Variants in TENT4A observed in about 807,000 individuals in gnomAD.
TENT4A encodes the protein terminal nucleotidyltransferase 4A, also known as DNA polymerase kappa.
Under a neutral mutation model 72.8 loss-of-function variants are expected in TENT4A, and 7 were observed. The observed-to-expected ratio is 0.10, with a 90% confidence interval of 0.05 to 0.18. The LOEUF (loss-of-function observed/expected upper bound fraction) is 0.18, where lower values mean the gene tolerates loss of function less well. Ranked by LOEUF, TENT4A falls within the 10% of genes least tolerant of loss-of-function variation. The probability of loss-of-function intolerance (pLI) is 1.00; values close to 1 mark genes in which losing one functional copy is unlikely to be tolerated. For missense variants in TENT4A, 831 were observed against 1,017.7 expected (o/e 0.82, Z 2.50); for synonymous variants, 456 against 434.3 (o/e 1.05, Z -0.62).
At chr5:6,716,055 A>G (rs1464892547) in intron 1 of TENT4A, among the ~76,000 whole-genome samples, 2 of 152,148 alleles carry the variant, frequency 1.3e-5, no homozygotes, top group Non-Finnish European at 2.9e-5. Flanking sequence ...TCTTAGCACT[A>G]GAAAAAACAG....
chr5:6,719,605 C>T (rs1328196042), intron 1 of TENT4A, among the ~76,000 whole-genome samples: 2 of 152,186 alleles, frequency 1.3e-5, no homozygotes, highest in Non-Finnish European at 2.9e-5. Context: ...AAAGCTGCCA[C>T]TCTGAACCTG....
Position 6,714,718 on chromosome 5 carries a change from C to CGCGGGG in TENT4A, c.716+32_716+37dup, listed in dbSNP as rs902543687. The CGCGGGG allele has an allele frequency of 4.2e-4, 490 of 1,172,090 alleles. 3 individuals are homozygous for CGCGGGG. The South Asian group carries it at 0.01, about 25-fold the overall frequency. The allele number at this position is 1,172,090 out of a possible 1,614,324, so 72.6% of individuals were successfully genotyped here. ...TCCAGGGGTGAGTGCGCGGGGAGGCCGCGGGGGCGGGGGCGGGGCCCATGG... is the reference window on the plus strand; with the variant it reads ...TCCAGGGGTGAGTGCGCGGGGAGGCCGCGGGGGCGGGGGCGGGGGCGGGGCCCATGG... On this transcript the variant is annotated intron_variant, in intron 1 of 12. Transcript: ENST00000230859.
chr5:6,713,948 G>T lies in TENT4A; in HGVS notation c.-36G>T, dbSNP rs1016750208. 1.1e-6 allele frequency: 1 copy of T among 896,540 alleles called. No individual in the cohort carries two copies. The highest frequency in any genetic ancestry group is 5.0e-5 in the South Asian group (1 of 20,144). 55.5% of individuals were successfully genotyped at this position (896,540 alleles called of 1,614,324 possible). A position where few individuals can be genotyped will look rare whatever the true frequency, so the allele number is the denominator to read the frequency against. ...GGCGGGGGCGGGGCCGCGTCGGGGC[G>T]GGCGGGCGCGCGGGCCCCGCGGGGG... On this transcript the variant is annotated 5_prime_UTR_variant, in exon 1 of 13. Coordinates refer to ENST00000230859, the MANE Select transcript of TENT4A (RefSeq NM_006999.6).
In TENT4A at chr5:6,752,404, G is replaced by A. The variant is rs3756430; in HGVS notation, c.2020-469G>A. Among the ~76,000 whole-genome samples the A allele has an allele frequency of 2.6e-5, 4 of 152,364 alleles. No individual in the cohort carries two copies. In the East Asian group the frequency reaches 5.8e-4, roughly 22 times the overall value. The stretch of plus-strand genomic sequence containing the variant: ...TCTGAGAAAAGGGGTTCTCGTTAGC[G>A]CACTTCTGCTGCTGACAGTAACGGG... On this transcript the variant is annotated intron_variant, in intron 11 of 12. Coordinates refer to ENST00000230859, the MANE Select transcript of TENT4A (RefSeq NM_006999.6).
chr5:6,736,162 C>T (rs1741479394), intron 1 of TENT4A, among the ~76,000 whole-genome samples: 1 of 152,206 alleles, frequency 6.6e-6, no homozygotes, highest in Non-Finnish European at 1.5e-5. Flanking sequence ...TTATTTGCTG[C>T]TCCTGGAGTC....
At chr5:6,715,899 C>T (rs1294797849) in intron 1 of TENT4A, among the ~76,000 whole-genome samples, 30 of 152,216 alleles carry the variant, frequency 2.0e-4, no homozygotes, top group Non-Finnish European at 7.3e-5. Context: ...CTCTTCTCTC[C>T]CTCCAGTTCT....
intron 5 of TENT4A, among the ~76,000 whole-genome samples, chr5:6,743,112 G>A (rs1266590501): frequency 6.6e-6 from 1 of 152,152 alleles, no homozygotes; most frequent in Non-Finnish European, 1.5e-5. Flanking sequence ...CCTCCGGGTG[G>A]TCGTGACCTC....
At chr5:6,744,236 A>G (rs1205724801) in intron 6 of TENT4A, among the ~76,000 whole-genome samples, 1 of 152,268 alleles carries the variant, frequency 6.6e-6, no homozygotes, top group African/African-American at 2.4e-5. Context: ...AAGGATTTAC[A>G]AGAGAGCTTT....
chr5:6,715,812 C>T (rs191593712), intron 1 of TENT4A, among the ~76,000 whole-genome samples: 19 of 152,330 alleles, frequency 1.2e-4, no homozygotes, highest in African/African-American at 4.6e-4. Context: ...TTTCACCTGG[C>T]TTGGGCTACA....
At chr5:6,738,438 A>T (rs1221012750) in intron 2 of TENT4A, among the ~76,000 whole-genome samples, 1 of 152,260 alleles carries the variant, frequency 6.6e-6, no homozygotes, top group East Asian at 1.9e-4. Flanking sequence ...TTGAAGGGTT[A>T]TAGGGTGAGG....
chr5:6,753,194 A>T (rs570800578), intron 12 of TENT4A, among the ~76,000 whole-genome samples, 157 bp downstream of exon 12: 100 of 152,376 alleles, frequency 6.6e-4, no homozygotes, highest in African/African-American at 2.4e-3. Context: ...TTTCCAAACA[A>T]AACTTAAAAA....
intron 4 of TENT4A, among the ~76,000 whole-genome samples, chr5:6,740,212 A>G (rs1407561707): frequency 6.6e-6 from 1 of 152,212 alleles, no homozygotes; most frequent in Non-Finnish European, 1.5e-5. Context: ...GTGTGGCTCA[A>G]TGATTAAACC....
At chr5:6,750,707 C>T (rs533187500) in intron 10 of TENT4A, 9 of 561,124 alleles carry the variant, frequency 1.6e-5, no homozygotes, top group African/African-American at 5.7e-5. Context: ...CCTGTCTGTG[C>T]GACTCATGCG....
rs575657775 is a variant in TENT4A, at chr5:6,755,048, C to T, written c.*103C>T. On this transcript the variant is annotated 3_prime_UTR_variant, in exon 13 of 13. Coordinates refer to ENST00000230859, the MANE Select transcript of TENT4A (RefSeq NM_006999.6). Reference sequence around the variant, plus strand: ...ACCAGCACCCCGCACGTCAGCCGGGCTCGCGGCACGCCCGCCGCTGATCAC... The same window carrying T: ...ACCAGCACCCCGCACGTCAGCCGGGTTCGCGGCACGCCCGCCGCTGATCAC... 72 of 1,026,998 alleles carry T rather than the reference C, an allele frequency of 7.0e-5. No homozygotes were observed. The highest frequency in any genetic ancestry group is 9.1e-5 in the Non-Finnish European group (67 of 737,548). The allele number at this position is 1,026,998 out of a possible 1,614,324, so 63.6% of individuals were successfully genotyped here.
intron 1 of TENT4A, among the ~76,000 whole-genome samples, chr5:6,735,921 T>C (rs1313317187): frequency 1.3e-5 from 2 of 152,102 alleles, no homozygotes; most frequent in Admixed American, 1.3e-4. Flanking sequence ...CCACCACGCC[T>C]GGCTAATTTT....
At chr5:6,750,644 A>G (rs1317911101) in intron 10 of TENT4A, 141 bp downstream of exon 10, 19 of 748,560 alleles carry the variant, frequency 2.5e-5, no homozygotes, top group Non-Finnish European at 3.7e-5. Context: ...GGTGGGGGGC[A>G]GCCCCGTGAT....
intron 2 of TENT4A, among the ~76,000 whole-genome samples, chr5:6,738,075 C>T (rs562954451): frequency 1.3e-4 from 20 of 152,314 alleles, no homozygotes; most frequent in Non-Finnish European, 2.9e-4. Context: ...GTTCCCTCAT[C>T]ACACACCACT....
chr5:6,742,532 G>A lies in TENT4A; in HGVS notation c.1051G>A (p.Val351Ile), dbSNP rs765306287. ...CACAGATCAGGAGACTGAAGTGAAA[G>A]TTGACATCAGCTTTAACATGGAGAC... Reference protein sequence around the residue: ...KLTDQETEVKVDISFNMETGV... With the variant: ...KLTDQETEVKIDISFNMETGV... Residue 351 changes from valine to isoleucine, a missense_variant, in exon 5 of 13, where the codon GTT becomes ATT. Physicochemically the swap from Val to Ile is conservative, Grantham distance 29. Coordinates refer to ENST00000230859, the MANE Select transcript of TENT4A (RefSeq NM_006999.6). 1.4e-5 allele frequency: 22 copies of A among 1,613,390 alleles called. No individual in the cohort carries two copies. In the South Asian group the frequency reaches 1.8e-4, roughly 13 times the overall value.
At position 6,750,242 on chromosome 5, in the gene TENT4A, G is replaced by A. The variant is rs547728106; in HGVS notation, c.1688-89G>A. On this transcript the variant is annotated intron_variant, in intron 9 of 12. Coordinates refer to ENST00000230859, the MANE Select transcript of TENT4A (RefSeq NM_006999.6). ...TGTTAGTCACATTAGCAGCGTTCCCGGCTCAGCAGAGCCCGTGACTGATGC... is the reference window on the plus strand; with the variant it reads ...TGTTAGTCACATTAGCAGCGTTCCCAGCTCAGCAGAGCCCGTGACTGATGC... 553 of 1,102,360 alleles carry A rather than the reference G, an allele frequency of 5.0e-4. 7 individuals carry two copies. The South Asian group carries it at 9.3e-3, about 19-fold the overall frequency. The allele number at this position is 1,102,360 out of a possible 1,614,324, so 68.3% of individuals were successfully genotyped here.
Sources: gnomAD v4.1 joint callset for allele counts (sites outside exome capture counted in the v4.1 genomes callset) on GRCh38, gnomAD v4.1.1 for gene constraint, MANE v1.5 for transcripts, NCBI Gene and HGNC (gene_info 2026-07-23, HGNC 2026-07-21) for gene names.